The following ECD variants were observed in gnomAD, a reference collection of about 807,000 sequenced individuals.
The protein encoded by ECD is ecdysoneless cell cycle regulator, also known as protein ecdysoneless homolog.
Under a neutral mutation model 77.2 loss-of-function variants are expected in ECD, and 59 were observed. The ratio of observed to expected loss-of-function variants is 0.76; its 90% CI spans 0.62 to 0.95. The LOEUF (loss-of-function observed/expected upper bound fraction) is 0.95. ECD is among the 40% of genes least tolerant of loss of function. ECD has a pLI of 0.00. For missense variants in ECD, 704 were observed against 763.4 expected, an observed-to-expected ratio of 0.92 and a Z score of 0.92; for synonymous variants, 233 against 267.4, an observed-to-expected ratio of 0.87 and a Z score of 1.26.
intron 7 of ECD, among the ~76,000 whole-genome samples, chr10:73,149,526 T>C (rs961152073): frequency 2.0e-5 from 3 of 152,224 alleles, no homozygotes; most frequent in African/African-American, 7.2e-5. Context: ...TATAGTATAC[T>C]GTATTCAATA....
Position 73,134,330 on chromosome 10 carries a change from A to G in ECD, c.*253T>C, listed in dbSNP as rs1842953495. On this transcript the variant is annotated 3_prime_UTR_variant, in exon 14 of 14. Coordinates refer to ENST00000372979, the MANE Select transcript of ECD (RefSeq NM_007265.3). Reference sequence around the variant, plus strand: ...GTGGTAGGGTATGTCTTTAGCATGAAGTGTGTGAATTTCATCTCAAGGTTG... The same window carrying G: ...GTGGTAGGGTATGTCTTTAGCATGAGGTGTGTGAATTTCATCTCAAGGTTG... 2.2e-6 allele frequency: 1 copy of G among 455,494 alleles called. No homozygotes were observed. The highest frequency in any genetic ancestry group is 3.2e-5 in the South Asian group (1 of 31,198). 28.2% of individuals were successfully genotyped at this position (455,494 alleles called of 1,614,324 possible).
chr10:73,154,453 G>GAC lies in ECD; in HGVS notation c.591-7_591-6dup, dbSNP rs1378440565. On this transcript the variant is annotated splice_region_variant and splice_polypyrimidine_tract_variant and intron_variant, in intron 5 of 13. Transcript: ENST00000372979. ...GCCTGAATTTTTTCTGGGTACCTGGGACAGGTAACATAATTACTTTCATTT... is the reference window on the plus strand; with the variant it reads ...GCCTGAATTTTTTCTGGGTACCTGGGACACAGGTAACATAATTACTTTCATTT... The GAC allele has an allele frequency of 1.9e-6, 3 of 1,601,502 alleles. No homozygotes were observed. In the South Asian group the frequency reaches 3.3e-5, roughly 18 times the overall value.
At chr10:73,139,069 T>C (rs1484122599) in intron 11 of ECD, among the ~76,000 whole-genome samples, 2 of 152,136 alleles carry the variant, frequency 1.3e-5, no homozygotes, top group African/African-American at 4.8e-5. Context: ...TTTCCCTGTG[T>C]GGTTCTGGAT....
At chr10:73,147,464 C>T (rs528223051) in intron 8 of ECD, among the ~76,000 whole-genome samples, 3 of 151,976 alleles carry the variant, frequency 2.0e-5, no homozygotes, top group South Asian at 2.1e-4. Context: ...TGAGGAGAAT[C>T]GCTTGAACCT....
chr10:73,154,211 C>T lies in ECD; in HGVS notation c.783+45G>A, dbSNP rs761555131. On this transcript the variant is annotated intron_variant, in intron 6 of 13. Coordinates refer to ENST00000372979, the MANE Select transcript of ECD (RefSeq NM_007265.3). ...AGAAAAAAATAATAATGTTTCAACT[C>T]GGTTTCCAGTAAGAGAAACTAAATG... 13 of 1,520,092 alleles carry T rather than the reference C, an allele frequency of 8.6e-6. 1 individual carries two copies. The highest frequency in any genetic ancestry group is 6.9e-5 in the East Asian group (3 of 43,664). 94.2% of individuals were successfully genotyped at this position (1,520,092 alleles called of 1,614,324 possible).
chr10:73,165,436 C>CT (rs1843442871), intron 1 of ECD, among the ~76,000 whole-genome samples: 1 of 151,816 alleles, frequency 6.6e-6, no homozygotes, highest in African/African-American at 2.4e-5. Context: ...ACTGCAACCT[C>CT]TGCCTCCCAG....
intron 12 of ECD, 86 bp from the exon 13 acceptor site, chr10:73,137,004 C>A (rs1246638171): frequency 2.9e-6 from 2 of 679,080 alleles, no homozygotes; most frequent in Non-Finnish European, 4.0e-6. Flanking sequence ...CTACACATCT[C>A]AAAATAATTA....
chr10:73,139,256 C>T (rs1843017978), intron 11 of ECD, 53 bp downstream of exon 11: 4 of 1,439,122 alleles, frequency 2.8e-6, no homozygotes, highest in Non-Finnish European at 3.7e-6. Flanking sequence ...ATGACTATGA[C>T]TTCAACATTT....
In ECD at chr10:73,134,685, T is replaced by C; in HGVS notation, c.1833A>G (p.Gln611=). The change falls in exon 14 of 14, where the codon CAA becomes CAG. Residue 611 remains glutamine (Q), a synonymous_variant. Transcript: ENST00000372979. ...VSNILESYSS[Q]AGLAGPASNL... Reference sequence around the variant, plus strand: ...TGGAAGCAGGTCCTGCCAGTCCAGCTTGGGAGCTATAGGATTCCAATATAT... The same window carrying C: ...TGGAAGCAGGTCCTGCCAGTCCAGCCTGGGAGCTATAGGATTCCAATATAT... The C allele has an allele frequency of 6.2e-7, 1 of 1,614,210 alleles. No individual in the cohort carries two copies. The highest frequency in any genetic ancestry group is 8.5e-7 in the Non-Finnish European group (1 of 1,180,024).
chr10:73,165,958 C>G (rs1461206255), intron 1 of ECD, among the ~76,000 whole-genome samples: 1 of 152,138 alleles, frequency 6.6e-6, no homozygotes, highest in African/African-American at 2.4e-5. Context: ...TACTCCCCCA[C>G]AAACCCTCTG....
intron 3 of ECD, among the ~76,000 whole-genome samples, chr10:73,160,150 G>A (rs910063948): frequency 6.6e-6 from 1 of 151,590 alleles, no homozygotes; most frequent in African/African-American, 2.4e-5. Context: ...GCCAGGCGTG[G>A]TGGTGCACGC....
intron 3 of ECD, among the ~76,000 whole-genome samples, chr10:73,159,761 A>G (rs982874394): frequency 1.3e-5 from 2 of 148,596 alleles, no homozygotes; most frequent in Admixed American, 6.8e-5. Context: ...CTCCTGCCTC[A>G]GCCTCCCGAG....
chr10:73,145,376 A>T (rs1041155047), intron 9 of ECD, among the ~76,000 whole-genome samples: 3 of 152,068 alleles, frequency 2.0e-5, no homozygotes, highest in African/African-American at 7.2e-5. Context: ...AATAAATGAA[A>T]AAAAGTGAAA....
intron 7 of ECD, 47 bp from the exon 8 acceptor site, chr10:73,148,451 G>T (rs373901810): frequency 1.3e-6 from 2 of 1,596,432 alleles, no homozygotes; most frequent in East Asian, 2.2e-5. Flanking sequence ...CTTTTTTCCC[G>T]TATCTTATTA....
intron 1 of ECD, among the ~76,000 whole-genome samples, chr10:73,165,575 C>T (rs1843445698): frequency 6.7e-6 from 1 of 149,458 alleles, no homozygotes; most frequent in Non-Finnish European, 1.5e-5. Flanking sequence ...TGGTCTCAAA[C>T]TCCTGACCTC....
intron 3 of ECD, 146 bp downstream of exon 3, chr10:73,160,283 CAAAAA>C (rs11338418): frequency 2.4e-5 from 7 of 294,130 alleles, no homozygotes; most frequent in African/African-American, 5.4e-5. Context: ...AAGACTGTCT[CAAAAA>C]AAAAAAAAAA....
At chr10:73,139,922 G>C (rs971599967) in intron 9 of ECD, among the ~76,000 whole-genome samples, 185 bp from the exon 10 acceptor site, 9 of 145,886 alleles carry the variant, frequency 6.2e-5, no homozygotes, top group African/African-American at 2.3e-4. Context: ...GGGTTCAAAT[G>C]ATCCTCCCAC....
chr10:73,155,595 T>C (rs911000223), intron 5 of ECD, among the ~76,000 whole-genome samples: 1 of 118,144 alleles, frequency 8.5e-6, no homozygotes, highest in South Asian at 2.5e-4. Context: ...AGGTTTCTAC[T>C]TTTTTTTTTT....
At chr10:73,145,773 T>C (rs1843118554) in intron 9 of ECD, among the ~76,000 whole-genome samples, 2 of 151,292 alleles carry the variant, frequency 1.3e-5, no homozygotes, top group African/African-American at 2.4e-5. Flanking sequence ...GCCTCCCTAG[T>C]AGCTGGGACT....
Sources: gnomAD v4.1 joint callset for allele counts (sites outside exome capture counted in the v4.1 genomes callset) on GRCh38, gnomAD v4.1.1 for gene constraint, MANE v1.5 for transcripts, NCBI Gene and HGNC (gene_info 2026-07-23, HGNC 2026-07-21) for gene names.